The following FSTL1 variants were observed in gnomAD, a reference collection of about 807,000 sequenced individuals.
The protein encoded by FSTL1 is follistatin like 1.
FSTL1 carries 24 observed loss-of-function variants against 45.9 expected under a neutral mutation model. The ratio of observed to expected loss-of-function variants is 0.52; its 90% CI spans 0.38 to 0.74. The LOEUF is 0.74. FSTL1 is among the 30% of genes least tolerant of loss of function. FSTL1 has a pLI of 0.00. For missense variants in FSTL1, 340 were observed against 381.8 expected (o/e 0.89, Z 0.91); for synonymous variants, 120 against 137.6 (o/e 0.87, Z 0.89).
At chr3:120,439,650 G>A (rs889800469) in intron 2 of FSTL1, among the ~76,000 whole-genome samples, 3 of 152,190 alleles carry the variant, frequency 2.0e-5, no homozygotes, top group South Asian at 2.1e-4. Flanking sequence ...TCCTGTGGGT[G>A]GGCAGACAAG....
chr3:120,415,801 G>C (rs1428740785), intron 3 of FSTL1, 122 bp downstream of exon 3: 1 of 549,202 alleles, frequency 1.8e-6, no homozygotes, highest in Non-Finnish European at 3.3e-6. Context: ...CGTTTTTCAG[G>C]GGGATGAAGA....
At chr3:120,429,197 C>G (rs1351353988) in intron 2 of FSTL1, among the ~76,000 whole-genome samples, 1 of 152,210 alleles carries the variant, frequency 6.6e-6, no homozygotes, top group African/African-American at 2.4e-5. Context: ...AAATGCACAT[C>G]AAGGGCTCCC....
chr3:120,411,031 A>G (rs1349947905), intron 4 of FSTL1, 47 bp from the exon 5 acceptor site: 1 of 1,476,124 alleles, frequency 6.8e-7, no homozygotes, highest in Non-Finnish European at 9.3e-7. Context: ...GAAGGAAAAA[A>G]GAAAATTTTT....
chr3:120,441,658 G>A (rs553384952), intron 2 of FSTL1, among the ~76,000 whole-genome samples: 2 of 152,078 alleles, frequency 1.3e-5, no homozygotes, highest in South Asian at 2.1e-4. Flanking sequence ...GCAAACACAC[G>A]TGTGTACACA....
At chr3:120,449,975 G>A (rs917569394) in intron 2 of FSTL1, among the ~76,000 whole-genome samples, 1 of 152,088 alleles carries the variant, frequency 6.6e-6, no homozygotes, top group African/African-American at 2.4e-5. Context: ...TGAGCAAAGA[G>A]TTTGTTGGTT....
At chr3:120,398,333 G>A (rs1936748427) in intron 10 of FSTL1, among the ~76,000 whole-genome samples, 1 of 152,138 alleles carries the variant, frequency 6.6e-6, no homozygotes, top group Non-Finnish European at 1.5e-5. Context: ...TGTGTTTAAT[G>A]TCTTGGTGTA....
intron 2 of FSTL1, among the ~76,000 whole-genome samples, chr3:120,426,467 G>A (rs901545107): frequency 1.3e-5 from 2 of 152,106 alleles, no homozygotes; most frequent in African/African-American, 4.8e-5. Flanking sequence ...TATCGCCTAA[G>A]AGGTATCTAG....
At chr3:120,414,127 G>A (rs1167301471) in intron 3 of FSTL1, among the ~76,000 whole-genome samples, 1 of 151,982 alleles carries the variant, frequency 6.6e-6, no homozygotes, top group African/African-American at 2.4e-5. Flanking sequence ...ATCTCGGCTC[G>A]CTACAACCTC....
intron 2 of FSTL1, among the ~76,000 whole-genome samples, chr3:120,440,785 G>C (rs1485807848): frequency 6.6e-6 from 1 of 152,244 alleles, no homozygotes; most frequent in African/African-American, 2.4e-5. Flanking sequence ...GGTGGTTCGT[G>C]AATGTTTGGC....
intron 2 of FSTL1, among the ~76,000 whole-genome samples, chr3:120,450,163 T>C (rs1294203460): frequency 2.0e-5 from 3 of 152,170 alleles, no homozygotes; most frequent in Non-Finnish European, 4.4e-5. Flanking sequence ...GCCCAGATGA[T>C]AACACAAAAC....
chr3:120,421,874 A>T (rs1338357226), intron 2 of FSTL1, among the ~76,000 whole-genome samples: 1 of 152,166 alleles, frequency 6.6e-6, no homozygotes, highest in Non-Finnish European at 1.5e-5. Context: ...TGGTTTAGGG[A>T]GGGCTAAAAA....
At chr3:120,428,641 C>T (rs151050034) in intron 2 of FSTL1, among the ~76,000 whole-genome samples, 68 of 152,072 alleles carry the variant, frequency 4.5e-4, no homozygotes, top group South Asian at 1.9e-3. Flanking sequence ...GGCTGAGGCA[C>T]GAGAATCGCT....
At chr3:120,430,994 C>T (rs1056456935) in intron 2 of FSTL1, among the ~76,000 whole-genome samples, 18 of 151,908 alleles carry the variant, frequency 1.2e-4, no homozygotes, top group Admixed American at 1.3e-4. Context: ...TTTTTTGAGA[C>T]GAAGTCTCAA....
At chr3:120,424,969 G>T (rs1937351516) in intron 2 of FSTL1, among the ~76,000 whole-genome samples, 1 of 152,112 alleles carries the variant, frequency 6.6e-6, no homozygotes, top group Non-Finnish European at 1.5e-5. Context: ...TTGAGGCAGA[G>T]GAACAAATGA....
intron 3 of FSTL1, among the ~76,000 whole-genome samples, chr3:120,412,557 A>T (rs1302465374): frequency 6.6e-6 from 1 of 152,164 alleles, no homozygotes; most frequent in Non-Finnish European, 1.5e-5. Context: ...TTAAATTCTT[A>T]TTATTTATTA....
rs889771963 is a variant in FSTL1 at position 120,395,488 on chromosome 3, G to C, written c.*1464C>G. 2.6e-6 allele frequency: 1 copy of C among 390,050 alleles called. No homozygotes were observed. The highest frequency in any genetic ancestry group is 5.0e-6 in the Non-Finnish European group (1 of 198,318). 24.2% of individuals were successfully genotyped at this position (390,050 alleles called of 1,614,324 possible). A position where few individuals can be genotyped will look rare whatever the true frequency, so the allele number is the denominator to read the frequency against. ...AGGGAATGCTTTCTATTTCCAGCCG[G>C]AGGTTAAACATGAAATGCAAATATG... On this transcript the variant is annotated 3_prime_UTR_variant, in exon 11 of 11. Transcript: ENST00000295633.
intron 2 of FSTL1, among the ~76,000 whole-genome samples, chr3:120,440,729 G>A (rs1395183514): frequency 6.6e-6 from 1 of 152,238 alleles, no homozygotes; most frequent in East Asian, 1.9e-4. Flanking sequence ...GCAAAATAGT[G>A]TATTGAGACT....
rs1429168694 is a variant in FSTL1, at chr3:120,412,838, G to GCGCGCACACACA, written c.169-856_169-855insTGTGTGTGCGCG. Reference sequence around the variant, plus strand: ...CACATGTGCGCGCGCGCGCGCGCGCGCACACACACACACACACACACACAC... The same window carrying GCGCGCACACACA: ...CACATGTGCGCGCGCGCGCGCGCGCGCGCGCACACACACACACACACACACACACACACACAC... On this transcript the variant is annotated intron_variant, in intron 3 of 10. Coordinates refer to ENST00000295633, the MANE Select transcript of FSTL1 (RefSeq NM_007085.5). 4.4e-4 allele frequency among the ~76,000 whole-genome samples: 47 copies of GCGCGCACACACA among 106,168 alleles called. No homozygotes were observed. The East Asian group carries it at 5.2e-3, about 12-fold the overall frequency. The allele number at this position is 106,168 out of a possible 152,430, so 69.7% of individuals were successfully genotyped here.
chr3:120,429,440 T>A (rs1172845571), intron 2 of FSTL1, among the ~76,000 whole-genome samples: 9 of 152,214 alleles, frequency 5.9e-5, no homozygotes. Context: ...CAGACACACT[T>A]GGACAACAGG....
Sources: allele counts gnomAD v4.1 joint callset (sites outside exome capture counted in the v4.1 genomes callset), GRCh38; gene constraint gnomAD v4.1.1; transcripts MANE v1.5; gene names NCBI Gene and HGNC (gene_info 2026-07-23, HGNC 2026-07-21).